Variants in CYTH4 observed in about 807,000 individuals in gnomAD.
The protein encoded by CYTH4 is cytohesin 4, also known as cytohesin-4.
A neutral mutation model predicts 57.5 loss-of-function variants in CYTH4; 22 were observed. That is an observed-to-expected ratio of 0.38 (90% CI 0.27 to 0.55). The LOEUF is 0.55. Ranked by LOEUF, CYTH4 falls within the 20% of genes least tolerant of loss-of-function variation. The probability of loss-of-function intolerance (pLI) is 0.74; values close to 1 mark genes in which losing one functional copy is unlikely to be tolerated. For synonymous variants in CYTH4, 186 were observed against 206.5 expected, an observed-to-expected ratio of 0.90 and a Z score of 0.85; for missense variants, 420 against 535.6, an observed-to-expected ratio of 0.78 and a Z score of 2.13.
chr22:37,296,184 C>A, intron 4 of CYTH4, 119 bp downstream of exon 4: 1 of 1,099,288 alleles, frequency 9.1e-7, no homozygotes, highest in Non-Finnish European at 1.3e-6. Flanking sequence ...AAGCTGTGCC[C>A]AGCAGAGCTG....
intron 1 of CYTH4, 147 bp downstream of exon 1, chr22:37,282,735 C>T: frequency 1.4e-6 from 1 of 735,396 alleles, no homozygotes; most frequent in Non-Finnish European, 2.2e-6. Flanking sequence ...TGGGCTCAGC[C>T]TGTGTGTCCA....
chr22:37,291,915 G>T (rs2145857006), intron 1 of CYTH4, among the ~76,000 whole-genome samples: 1 of 152,324 alleles, frequency 6.6e-6, no homozygotes, highest in Admixed American at 6.5e-5. Flanking sequence ...CCCAATTCAA[G>T]GTCCCATCCT....
At chr22:37,282,805 T>C (rs1928413173) in intron 1 of CYTH4, among the ~76,000 whole-genome samples, 1 of 152,210 alleles carries the variant, frequency 6.6e-6, no homozygotes, top group Admixed American at 6.5e-5. Context: ...TCCCCCTTCA[T>C]AGGCTTGTGC....
intron 1 of CYTH4, 29 bp downstream of exon 1, chr22:37,282,617 C>T (rs1601692858): frequency 6.3e-7 from 1 of 1,585,022 alleles, no homozygotes; most frequent in Non-Finnish European, 8.6e-7. Flanking sequence ...CCTCTCTGGG[C>T]CTCAGGGTGC....
chr22:37,306,136 G>A (rs1394387522), intron 8 of CYTH4, among the ~76,000 whole-genome samples: 4 of 152,326 alleles, frequency 2.6e-5, no homozygotes, highest in African/African-American at 9.6e-5. Context: ...CTGGCACTTG[G>A]CAGGCCTTGA....
chr22:37,303,448 AG>A (rs1301781721), intron 8 of CYTH4, 46 bp downstream of exon 8: 1 of 1,591,930 alleles, frequency 6.3e-7, no homozygotes, highest in East Asian at 2.2e-5. Flanking sequence ...GGAATCCAGG[AG>A]GGACCTGTCC....
chr22:37,297,520 C>T, intron 4 of CYTH4, 44 bp from the exon 5 acceptor site: 2 of 1,572,098 alleles, frequency 1.3e-6, no homozygotes, highest in Admixed American at 1.7e-5. Context: ...CCCAGGCCTG[C>T]TTCCATGCAG....
chr22:37,285,609 G>C (rs1332315551), intron 1 of CYTH4, among the ~76,000 whole-genome samples: 1 of 152,096 alleles, frequency 6.6e-6, no homozygotes, highest in African/African-American at 2.4e-5. Flanking sequence ...TACTTGGGAG[G>C]CTGAGGCAGG....
rs539422401 is a variant in CYTH4, at chr22:37,303,004, C to T, written c.548-250C>T. ...AGGAGGGAAGGAAGGGCAGGCCTGG[C>T]AGGGGATCCAGCAGGAGCGTACGCG... is the stretch of plus-strand genomic sequence containing the variant. On this transcript the variant is annotated intron_variant, in intron 7 of 12. Coordinates refer to ENST00000248901, the MANE Select transcript of CYTH4 (RefSeq NM_013385.5). Among the ~76,000 whole-genome samples, 182 of 152,080 alleles carry T rather than the reference C, an allele frequency of 1.2e-3. 1 individual carries two copies. The highest frequency in any genetic ancestry group is 1.8e-3 in the Non-Finnish European group (123 of 67,988).
intron 1 of CYTH4, chr22:37,292,355 A>C: frequency 2.2e-6 from 1 of 464,674 alleles, no homozygotes; most frequent in Non-Finnish European, 3.9e-6. Flanking sequence ...CCGAGAGTCT[A>C]GCGGGAGGGA....
intron 1 of CYTH4, among the ~76,000 whole-genome samples, chr22:37,288,980 T>C (rs568198121): frequency 7.9e-5 from 12 of 152,326 alleles, no homozygotes; most frequent in Non-Finnish European, 1.3e-4. Context: ...ACCCTAAGCC[T>C]CTGGATAGTG....
At chr22:37,297,517 C>T in intron 4 of CYTH4, 47 bp from the exon 5 acceptor site, 1 of 1,559,616 alleles carries the variant, frequency 6.4e-7, no homozygotes, top group Non-Finnish European at 8.8e-7. Flanking sequence ...CCTCCCAGGC[C>T]TGCTTCCATG....
chr22:37,313,622 G>GT lies in CYTH4; in HGVS notation c.*111_*112insT. 6 of 989,298 alleles carry GT rather than the reference G, an allele frequency of 6.1e-6. No individual in the cohort carries two copies. The highest frequency in any genetic ancestry group is 9.4e-6 in the Non-Finnish European group (6 of 637,044). 61.3% of individuals were successfully genotyped at this position (989,298 alleles called of 1,614,324 possible). A position where few individuals can be genotyped will look rare whatever the true frequency, so the allele number is the denominator to read the frequency against. On this transcript the variant is annotated 3_prime_UTR_variant, in exon 13 of 13. Transcript: ENST00000248901. ...ACTCTTTTGGGCCACAGACATCATT[G>GT]CTGTTCCCCGTTACCTCGAGCTGAC...
At position 37,311,754 on chromosome 22, in the gene CYTH4, G is replaced by A. The variant is rs529935728; in HGVS notation, c.957+227G>A. On this transcript the variant is annotated intron_variant, in intron 11 of 12. Transcript: ENST00000248901. This position sits in a 1 kb window ranked among gnomAD's most constrained non-coding sequence, Gnocchi z 4.4. The stretch of plus-strand genomic sequence containing the variant: ...TGTCCCCTGTTGTCCCACACAGCCC[G>A]ACTGGCTGGATGGCCCCGAGTAAGC... 621 of 650,080 alleles carry A rather than the reference G, an allele frequency of 9.6e-4. 3 individuals are homozygous for A. In the African/African-American group the frequency reaches 9.6e-3, roughly 10 times the overall value. The allele number at this position is 650,080 out of a possible 1,614,324, so 40.3% of individuals were successfully genotyped here. A position where few individuals can be genotyped will look rare whatever the true frequency, so the allele number is the denominator to read the frequency against.
At chr22:37,297,412 T>G (rs1276921302) in intron 4 of CYTH4, 152 bp from the exon 5 acceptor site, 2 of 576,842 alleles carry the variant, frequency 3.5e-6, no homozygotes, top group Admixed American at 5.9e-5. Context: ...GCAGCTCCTA[T>G]GAAAGAGGGG....
rs765894407 is a variant in CYTH4 at position 37,294,697 on chromosome 22, T to C, written c.140T>C (p.Ile47Thr). 1.9e-6 allele frequency: 3 copies of C among 1,613,696 alleles called. No individual in the cohort carries two copies. Among genetic ancestry groups the C allele is most frequent in the Non-Finnish European group, 1.7e-6 (2 of 1,179,796 alleles). ...GAGATTGCAGATGTGTTTGCCCAAA[T>C]CGACTGCTTCGAGAGTGCGGAGGAG... ...KDEIADVFAQIDCFESAEESR... is the reference protein window; with the variant it reads ...KDEIADVFAQTDCFESAEESR... Residue 47 changes from isoleucine (I) to threonine (T), a missense_variant, in exon 3 of 13, where the codon ATC (isoleucine) becomes ACC (threonine). By Grantham distance (89) the Ile-to-Thr change is moderately conservative (BLOSUM62 -1). Coordinates refer to ENST00000248901, the MANE Select transcript of CYTH4 (RefSeq NM_013385.5).
intron 1 of CYTH4, 46 bp downstream of exon 1, chr22:37,282,634 T>C: frequency 6.5e-7 from 1 of 1,538,576 alleles, no homozygotes; most frequent in Non-Finnish European, 8.9e-7. Flanking sequence ...GTGCTCTCTT[T>C]TAGAATGGGA....
Position 37,297,761 on chromosome 22 carries a change from A to C in CYTH4, c.353+79A>C, listed in dbSNP as rs1929030093. The stretch of plus-strand genomic sequence containing the variant: ...ACAGGTGTGTGGATGTGCAGGTGAG[A>C]GGATGAATTATGTTAGCAAAGTCAT... On this transcript the variant is annotated intron_variant, in intron 5 of 12. Transcript: ENST00000248901. 4 of 1,241,934 alleles carry C rather than the reference A, an allele frequency of 3.2e-6. No homozygotes were observed. The East Asian group carries it at 9.5e-5, about 30-fold the overall frequency. The allele number at this position is 1,241,934 out of a possible 1,614,324, so 76.9% of individuals were successfully genotyped here. A position where few individuals can be genotyped will look rare whatever the true frequency, so the allele number is the denominator to read the frequency against.
At chr22:37,308,753 CATGT>C (rs539648770) in intron 8 of CYTH4, among the ~76,000 whole-genome samples, 3 of 147,462 alleles carry the variant, frequency 2.0e-5, no homozygotes, top group East Asian at 4.0e-4. Flanking sequence ...CATGTGTGTG[CATGT>C]ATGTGTGAGC....
Sources: gnomAD v4.1 joint callset for allele counts (sites outside exome capture counted in the v4.1 genomes callset) on GRCh38, gnomAD v4.1.1 for gene constraint, Gnocchi (gnomAD v3.1) non-coding constraint, MANE v1.5 for transcripts, NCBI Gene and HGNC (gene_info 2026-07-23, HGNC 2026-07-21) for gene names.